The following FRYL variants were observed in gnomAD, a reference collection of about 807,000 sequenced individuals.
FRYL encodes FRY like transcription coactivator.
FRYL carries 150 observed loss-of-function variants against 351.2 expected under a neutral mutation model. That is an observed-to-expected ratio of 0.43 (90% CI 0.37 to 0.49). The LOEUF (loss-of-function observed/expected upper bound fraction) is 0.49, where lower values mean the gene tolerates loss of function less well. Among genes scored for constraint, FRYL ranks in the 20% least tolerant of loss-of-function variants. FRYL has a pLI of 0.00. For missense variants in FRYL, 3,036 were observed against 3,619.3 expected, an observed-to-expected ratio of 0.84 and a Z score of 4.13; for synonymous variants, 1,153 against 1,257.1, an observed-to-expected ratio of 0.92 and a Z score of 1.75.
At chr4:48,756,491 C>T (rs534360472) in intron 1 of FRYL, among the ~76,000 whole-genome samples, 1 of 152,232 alleles carries the variant, frequency 6.6e-6, no homozygotes, top group African/African-American at 2.4e-5. Context: ...GTATTTGTTG[C>T]TTGTTAACTG....
intron 3 of FRYL, among the ~76,000 whole-genome samples, chr4:48,661,998 T>G (rs1373961119): frequency 6.6e-6 from 1 of 151,998 alleles, no homozygotes; most frequent in Admixed American, 6.5e-5. Context: ...CTTGGAGAAA[T>G]GGATATAGAA....
At chr4:48,581,077 G>C (rs1309918703) in intron 21 of FRYL, 126 bp from the exon 22 acceptor site, 31 of 578,026 alleles carry the variant, frequency 5.4e-5, no homozygotes, top group African/African-American at 5.3e-4. Flanking sequence ...ACGGAGTCTC[G>C]CTCTGTCACC....
intron 14 of FRYL, 39 bp downstream of exon 14, chr4:48,595,858 G>T (rs746663375): frequency 2.2e-6 from 3 of 1,349,294 alleles, no homozygotes; most frequent in African/African-American, 3.0e-5. Flanking sequence ...TTAAAAACAA[G>T]AATTTATTTT....
chr4:48,772,552 T>G (rs1775619306), intron 1 of FRYL, among the ~76,000 whole-genome samples: 1 of 152,126 alleles, frequency 6.6e-6, no homozygotes, highest in Admixed American at 6.5e-5. Flanking sequence ...ACCAGTATTA[T>G]AGATGGCATA....
chr4:48,667,370 C>CT (rs1227841610), intron 3 of FRYL, among the ~76,000 whole-genome samples: 9 of 151,532 alleles, frequency 5.9e-5, no homozygotes, highest in African/African-American at 1.9e-4. Context: ...ATTGTTATCT[C>CT]TAAAAAATAA....
chr4:48,555,738 C>A (rs1004617534), intron 35 of FRYL, among the ~76,000 whole-genome samples: 1 of 152,190 alleles, frequency 6.6e-6, no homozygotes, highest in Non-Finnish European at 1.5e-5. Context: ...TACCATACAC[C>A]TACAGTTCTC....
chr4:48,559,696 G>C (rs1578118369), intron 33 of FRYL, among the ~76,000 whole-genome samples: 1 of 127,434 alleles, frequency 7.8e-6, no homozygotes, highest in Non-Finnish European at 1.7e-5. Flanking sequence ...GATAGGGGGT[G>C]GGGGAGAGGG....
chr4:48,663,922 G>C (rs936414973), intron 3 of FRYL, among the ~76,000 whole-genome samples: 2 of 152,138 alleles, frequency 1.3e-5, no homozygotes, highest in African/African-American at 4.8e-5. Flanking sequence ...TGCTGTGAAG[G>C]CAGTGAAGGG....
At chr4:48,709,171 C>T (rs987229235) in intron 2 of FRYL, among the ~76,000 whole-genome samples, 3 of 151,914 alleles carry the variant, frequency 2.0e-5, no homozygotes, top group Non-Finnish European at 2.9e-5. Flanking sequence ...CTGCCCGCCT[C>T]GGCTTCCCAA....
chr4:48,650,982 G>A lies in FRYL; in HGVS notation c.-80-16492C>T, dbSNP rs1206472466. On this transcript the variant is annotated intron_variant, in intron 3 of 63. Coordinates refer to ENST00000358350, the MANE Select transcript of FRYL (RefSeq NM_015030.2). ...TGGTTTCTGGCTTGGGGAGACTGTG[G>A]ATATCAGTACTACCTACCATCATGG... Among the ~76,000 whole-genome samples the A allele has an allele frequency of 2.0e-5, 3 of 152,110 alleles. No individual in the cohort carries two copies. In the East Asian group the frequency reaches 5.8e-4, roughly 29 times the overall value.
intron 55 of FRYL, among the ~76,000 whole-genome samples, chr4:48,520,068 T>C (rs1040288916): frequency 3.9e-4 from 59 of 152,326 alleles, no homozygotes; most frequent in African/African-American, 1.3e-3. Flanking sequence ...TCTGTCTTAA[T>C]AGACAGCAAG....
chr4:48,767,985 C>G (rs983433182), intron 1 of FRYL, among the ~76,000 whole-genome samples: 31 of 152,174 alleles, frequency 2.0e-4, no homozygotes, highest in African/African-American at 7.2e-4. Flanking sequence ...TGTGGCAGTC[C>G]ACCCTAAAAC....
Position 48,544,854 on chromosome 4 carries a change from C to T in FRYL, c.5330G>A (p.Ser1777Asn). ...NHEDVSAKNP[S>N]IKSAEQLTTF... is the part of the protein sequence containing the mutation. Reference sequence around the variant, plus strand: ...AGTTAACTGTTCAGCACTCTTTATGCTAGGATTCTTGGCAGAAACATCCTC... The same window carrying T: ...AGTTAACTGTTCAGCACTCTTTATGTTAGGATTCTTGGCAGAAACATCCTC... The change falls in exon 43 of 64, where the codon AGC becomes AAC. Residue 1777 changes from serine (S) to asparagine (N), a missense_variant. By Grantham distance (46) the Ser-to-Asn change is conservative. Coordinates refer to ENST00000358350, the MANE Select transcript of FRYL (RefSeq NM_015030.2). 7 of 1,609,580 alleles carry T rather than the reference C, an allele frequency of 4.3e-6. No individual in the cohort carries two copies. Among genetic ancestry groups the T allele is most frequent in the Non-Finnish European group, 5.9e-6 (7 of 1,178,262 alleles).
intron 47 of FRYL, among the ~76,000 whole-genome samples, chr4:48,539,742 C>T (rs991779140): frequency 9.9e-5 from 15 of 152,134 alleles, no homozygotes; most frequent in African/African-American, 3.6e-4. Flanking sequence ...AAGACTCAGA[C>T]TCAGAGGAGT....
chr4:48,509,164 A>G (rs1180467309), intron 59 of FRYL, among the ~76,000 whole-genome samples: 1 of 152,212 alleles, frequency 6.6e-6, no homozygotes, highest in African/African-American at 2.4e-5. Context: ...TGCTACTAAG[A>G]TAGCAAAACT....
chr4:48,717,581 C>T (rs555054101), intron 1 of FRYL, among the ~76,000 whole-genome samples: 1 of 151,754 alleles, frequency 6.6e-6, no homozygotes, highest in Non-Finnish European at 1.5e-5. Context: ...GACTCTGTCA[C>T]CTAGGCTGGA....
Position 48,557,451 on chromosome 4 carries a change from A to G in FRYL, c.4125+2T>C. ...CAATTATAAATACAAAACTCATTTTACCTTTGCTGTCATATACATCAGATT... is the reference window on the plus strand; with the variant it reads ...CAATTATAAATACAAAACTCATTTTGCCTTTGCTGTCATATACATCAGATT... On this transcript the variant is annotated splice_donor_variant, in intron 34 of 63. Transcript: ENST00000358350. LOFTEE classifies it high-confidence loss of function. The G allele has an allele frequency of 6.2e-7, 1 of 1,613,742 alleles. No homozygotes were observed. Among genetic ancestry groups the G allele is most frequent in the Non-Finnish European group, 8.5e-7 (1 of 1,179,672 alleles).
chr4:48,602,915 G>A (rs1475110535), intron 12 of FRYL, among the ~76,000 whole-genome samples: 4 of 152,156 alleles, frequency 2.6e-5, no homozygotes, highest in African/African-American at 9.7e-5. Flanking sequence ...TAGTCTGGGA[G>A]CAATAAGCTA....
At chr4:48,720,421 C>T (rs1473884902) in intron 1 of FRYL, among the ~76,000 whole-genome samples, 6 of 152,052 alleles carry the variant, frequency 3.9e-5, no homozygotes, top group South Asian at 2.1e-4. Context: ...TGCTTGAACC[C>T]GGGAGGTGGA....
Sources: gnomAD v4.1 joint callset for allele counts (sites outside exome capture counted in the v4.1 genomes callset) on GRCh38, gnomAD v4.1.1 for gene constraint, MANE v1.5 for transcripts, NCBI Gene and HGNC (gene_info 2026-07-23, HGNC 2026-07-21) for gene names.